The following XKR4 variants were observed in gnomAD, a reference collection of about 807,000 sequenced individuals.
XKR4 encodes XK-related protein 4.
A neutral mutation model predicts 53.9 loss-of-function variants in XKR4; 12 were observed. The ratio of observed to expected loss-of-function variants is 0.22; its 90% CI spans 0.14 to 0.36. The LOEUF (loss-of-function observed/expected upper bound fraction) is 0.36, where lower values mean the gene tolerates loss of function less well. XKR4 is among the 10% of genes least tolerant of loss of function. XKR4 has a pLI of 1.00. For synonymous variants in XKR4, 354 were observed against 362.4 expected, an observed-to-expected ratio of 0.98 and a Z score of 0.26; for missense variants, 799 against 859.5, an observed-to-expected ratio of 0.93 and a Z score of 0.88.
At chr8:55,122,237 C>T (rs1816402108) in intron 1 of XKR4, among the ~76,000 whole-genome samples, 1 of 152,076 alleles carries the variant, frequency 6.6e-6, no homozygotes, top group Admixed American at 6.5e-5. Context: ...ATAGAAACAA[C>T]TTTGGTGTCA....
chr8:55,167,465 A>G (rs1199877972), intron 1 of XKR4, among the ~76,000 whole-genome samples: 1 of 152,170 alleles, frequency 6.6e-6, no homozygotes, highest in African/African-American at 2.4e-5. Context: ...GGATTGCTGA[A>G]AGGAGAAGGC....
At chr8:55,368,428 C>T (rs1454897918) in intron 2 of XKR4, among the ~76,000 whole-genome samples, 2 of 152,296 alleles carry the variant, frequency 1.3e-5, no homozygotes, top group African/African-American at 4.8e-5. Context: ...TCTGGCTGGC[C>T]GTCCTCTGTC....
intron 2 of XKR4, among the ~76,000 whole-genome samples, chr8:55,473,557 C>G (rs1050445477): frequency 4.6e-5 from 7 of 152,080 alleles, no homozygotes; most frequent in Non-Finnish European, 1.0e-4. Context: ...GGCAGCCAAA[C>G]AGAAAGGCAG....
At chr8:55,446,969 A>G (rs527404890) in intron 2 of XKR4, among the ~76,000 whole-genome samples, 42 of 152,304 alleles carry the variant, frequency 2.8e-4, no homozygotes, top group African/African-American at 9.6e-4. Flanking sequence ...TTGGATAGGG[A>G]AAAATTCATT....
intron 2 of XKR4, among the ~76,000 whole-genome samples, chr8:55,522,815 T>A (rs1806815567): frequency 6.6e-6 from 1 of 152,156 alleles, no homozygotes; most frequent in Non-Finnish European, 1.5e-5. Context: ...TTAAACTCCA[T>A]CCCATTTCCA....
At chr8:55,288,460 C>T (rs112490648) in intron 1 of XKR4, among the ~76,000 whole-genome samples, 204 of 152,130 alleles carry the variant, frequency 1.3e-3, no homozygotes, top group African/African-American at 4.8e-3. Context: ...CCTGAAAGTA[C>T]TTTCTGGAAT....
intron 1 of XKR4, among the ~76,000 whole-genome samples, chr8:55,316,236 G>A (rs1474797320): frequency 6.6e-6 from 1 of 152,244 alleles, no homozygotes; most frequent in South Asian, 2.1e-4. Flanking sequence ...GTTGAGGGAT[G>A]TTTCCTACCA....
At chr8:55,286,895 A>G (rs1161121109) in intron 1 of XKR4, among the ~76,000 whole-genome samples, 1 of 152,220 alleles carries the variant, frequency 6.6e-6, no homozygotes, top group Non-Finnish European at 1.5e-5. Context: ...CTAATGAAAG[A>G]TACATAAAGT....
chr8:55,210,027 G>T (rs569512769), intron 1 of XKR4, among the ~76,000 whole-genome samples: 16 of 151,802 alleles, frequency 1.1e-4, no homozygotes, highest in Non-Finnish European at 1.5e-4. Context: ...TCATATTGGT[G>T]TCCAGGCCAG....
At chr8:55,288,139 CA>C (rs1326309516) in intron 1 of XKR4, among the ~76,000 whole-genome samples, 2 of 152,072 alleles carry the variant, frequency 1.3e-5, no homozygotes, top group Non-Finnish European at 2.9e-5. Flanking sequence ...CCAGGGAAGC[CA>C]AAAGATTGGA....
At chr8:55,492,695 T>C (rs1806289194) in intron 2 of XKR4, among the ~76,000 whole-genome samples, 1 of 152,254 alleles carries the variant, frequency 6.6e-6, no homozygotes, top group Admixed American at 6.5e-5. Flanking sequence ...CTCCAGTTGA[T>C]CGTTTGATCA....
intron 2 of XKR4, among the ~76,000 whole-genome samples, chr8:55,379,755 C>T (rs1174837882): frequency 6.6e-6 from 1 of 152,190 alleles, no homozygotes; most frequent in Non-Finnish European, 1.5e-5. Context: ...CTCCTCACTC[C>T]ACCCGGAGCA....
intron 1 of XKR4, among the ~76,000 whole-genome samples, chr8:55,348,292 C>T (rs1186555591): frequency 2.6e-5 from 4 of 152,162 alleles, no homozygotes; most frequent in Admixed American, 1.3e-4. Context: ...TTCATGGCAG[C>T]GTGCTTGTCA....
In XKR4 at chr8:55,102,652, G is replaced by T. The variant is rs750857396; in HGVS notation, c.164G>T (p.Cys55Phe). The part of the protein sequence containing the change: ...EDEEAAGGGC[C>F]PDGGGCSRCC... ...GAGGAGGCGGCCGGGGGCGGCTGCT[G>T]CCCGGACGGCGGCGGCTGCTCGCGC... The change falls in exon 1 of 3, where the codon TGC becomes TTC. Residue 55 changes from cysteine (C) to phenylalanine (F), a missense_variant. This residue lies in a region of XKR4 where 476 missense variants were observed against 505.4 expected (regional missense o/e 0.94). Transcript: ENST00000327381. This position sits in a 1 kb window ranked among gnomAD's most constrained non-coding sequence, Gnocchi z 5.1. The T allele has an allele frequency of 2.3e-6, 3 of 1,298,308 alleles. No individual in the cohort carries two copies. Among genetic ancestry groups the T allele is most frequent in the Non-Finnish European group, 3.0e-6 (3 of 1,013,010 alleles). The allele number at this position is 1,298,308 out of a possible 1,614,324, so 80.4% of individuals were successfully genotyped here. A position where few individuals can be genotyped will look rare whatever the true frequency, so the allele number is the denominator to read the frequency against.
chr8:55,300,558 G>A (rs1326280384), intron 1 of XKR4, among the ~76,000 whole-genome samples: 1 of 152,070 alleles, frequency 6.6e-6, no homozygotes. Context: ...GGATGGAGAT[G>A]GGTCGTGGAA....
chr8:55,445,698 G>A (rs1805337077), intron 2 of XKR4, among the ~76,000 whole-genome samples: 1 of 152,114 alleles, frequency 6.6e-6, no homozygotes, highest in Non-Finnish European at 1.5e-5. Flanking sequence ...CTGCTGATTG[G>A]GCACTATTGC....
chr8:55,209,280 T>A (rs987852175), intron 1 of XKR4, among the ~76,000 whole-genome samples: 2 of 151,914 alleles, frequency 1.3e-5, no homozygotes, highest in African/African-American at 4.8e-5. Context: ...TGCACTGAGC[T>A]CAGTGCTTTA....
chr8:55,115,882 G>T (rs1388279989), intron 1 of XKR4, among the ~76,000 whole-genome samples: 2 of 152,190 alleles, frequency 1.3e-5, no homozygotes, highest in Non-Finnish European at 2.9e-5. Flanking sequence ...GTTTTATGCA[G>T]TACTCAGACC....
chr8:55,112,707 G>T (rs1816250609), intron 1 of XKR4, among the ~76,000 whole-genome samples: 1 of 151,538 alleles, frequency 6.6e-6, no homozygotes, highest in Non-Finnish European at 1.5e-5. Context: ...CAGTGTGACG[G>T]TAACAATGAG....
Sources: allele counts gnomAD v4.1 joint callset (sites outside exome capture counted in the v4.1 genomes callset), GRCh38; gene constraint gnomAD v4.1.1; regional missense constraint gnomAD v4.1.1; non-coding constraint Gnocchi (gnomAD v3.1); transcripts MANE v1.5; gene names NCBI Gene and HGNC (gene_info 2026-07-23, HGNC 2026-07-21).